The following BMS1 variants were observed in gnomAD, a reference collection of about 807,000 sequenced individuals.
BMS1 encodes the protein BMS1 ribosome biogenesis factor.
A neutral mutation model predicts 138.7 loss-of-function variants in BMS1; 53 were observed. The ratio of observed to expected loss-of-function variants is 0.38; its 90% CI spans 0.31 to 0.48. The LOEUF is 0.48. BMS1 is among the 20% of genes least tolerant of loss of function. The pLI, the probability that BMS1 is intolerant of heterozygous loss-of-function variation, is 0.97. For synonymous variants in BMS1, 504 were observed against 539.9 expected (o/e 0.93, Z 0.92); for missense variants, 1,360 against 1,565.5 (o/e 0.87, Z 2.22).
At chr10:42,806,275 A>G (rs865992188) in intron 13 of BMS1, among the ~76,000 whole-genome samples, 2 of 152,224 alleles carry the variant, frequency 1.3e-5, no homozygotes, top group South Asian at 2.1e-4. Context: ...ATCTACAGAA[A>G]GGCTGAGATA....
At position 42,796,691 on chromosome 10, in the gene BMS1, A is replaced by G. The variant is rs759432328; in HGVS notation, c.1447A>G (p.Ile483Val). Reference protein sequence around the residue: ...MTDQYMAVKGIKRRKLELEED... With the variant: ...MTDQYMAVKGVKRRKLELEED... Reference sequence around the variant, plus strand: ...TGATCAGTATATGGCTGTTAAGGGCATCAAACGACGGAAACTTGAGTTGGA... The same window carrying G: ...TGATCAGTATATGGCTGTTAAGGGCGTCAAACGACGGAAACTTGAGTTGGA... Residue 483 changes from isoleucine to valine, a missense_variant, in exon 10 of 23, where the codon ATC (isoleucine) becomes GTC (valine). This residue lies in a region of BMS1 where 697 missense variants were observed against 686.2 expected (regional missense o/e 1.02). Coordinates refer to ENST00000374518, the MANE Select transcript of BMS1 (RefSeq NM_014753.4). 7 of 1,614,104 alleles carry G rather than the reference A, an allele frequency of 4.3e-6. No homozygotes were observed. In the South Asian group the frequency reaches 5.5e-5, roughly 13 times the overall value.
intron 9 of BMS1, among the ~76,000 whole-genome samples, chr10:42,795,571 T>A (rs573343547): frequency 6.2e-4 from 95 of 152,128 alleles, no homozygotes; most frequent in Non-Finnish European, 6.3e-4. Context: ...TCCTCCTGCC[T>A]TGGCCTCCCA....
intron 12 of BMS1, among the ~76,000 whole-genome samples, chr10:42,799,824 A>C (rs1314647113): frequency 6.6e-6 from 1 of 152,140 alleles, no homozygotes; most frequent in Non-Finnish European, 1.5e-5. Flanking sequence ...TAAGCATCAT[A>C]GTTTACTTTT....
At chr10:42,783,793 T>G (rs1181811243) in intron 1 of BMS1, among the ~76,000 whole-genome samples, 1 of 152,108 alleles carries the variant, frequency 6.6e-6, no homozygotes, top group Non-Finnish European at 1.5e-5. Flanking sequence ...AATTTAGGAG[T>G]TTTACAGAGT....
intron 7 of BMS1, 25 bp from the exon 8 acceptor site, chr10:42,792,932 C>G (rs1354217328): frequency 6.3e-7 from 1 of 1,595,932 alleles, no homozygotes; most frequent in Admixed American, 1.8e-5. Flanking sequence ...TCAGCTGAAG[C>G]TGGCTTTTGG....
intron 2 of BMS1, 99 bp from the exon 3 acceptor site, chr10:42,785,383 T>G: frequency 9.7e-7 from 1 of 1,026,296 alleles, no homozygotes; most frequent in East Asian, 2.6e-5. Context: ...CTCATAGCTA[T>G]AAGTGTACCA....
At chr10:42,813,294 A>G (rs1842243595) in intron 13 of BMS1, among the ~76,000 whole-genome samples, 1 of 152,088 alleles carries the variant, frequency 6.6e-6, no homozygotes, top group Non-Finnish European at 1.5e-5. Context: ...TAAGGTGCTT[A>G]TTGTTACATA....
At position 42,833,656 on chromosome 10, in the gene BMS1, T is replaced by A. The variant is rs1842834497; in HGVS notation, c.*2560T>A. On this transcript the variant is annotated 3_prime_UTR_variant, in exon 23 of 23. Transcript: ENST00000374518. ...CCACTGCCATATACGTGGTCCATCC[T>A]TGACTGAACATCATGCGGCATGTGG... is the stretch of plus-strand genomic sequence containing the variant. The A allele has an allele frequency of 2.0e-5, 3 of 152,268 alleles. No individual in the cohort carries two copies. Among genetic ancestry groups the A allele is most frequent in the Non-Finnish European group, 2.9e-5 (2 of 68,044 alleles). The allele number at this position is 152,268 out of a possible 1,614,324, so 9.4% of individuals were successfully genotyped here.
At position 42,820,314 on chromosome 10, in the gene BMS1, C is replaced by T. The variant is rs397839854; in HGVS notation, c.2659C>T (p.Arg887Cys). The part of the protein sequence containing the change: ...YEGFRPGMYV[R>C]IEIENVPCEF... ...GGGTTTTCGACCTGGGATGTACGTC[C>T]GCATTGAGATTGAAAATGTTCCCTG... The change falls in exon 16 of 23, where the codon CGC becomes TGC. Residue 887 changes from arginine to cysteine, a missense_variant. Transcript: ENST00000374518. 7.4e-6 allele frequency: 12 copies of T among 1,613,536 alleles called. No homozygotes were observed. The African/African-American group carries it at 8.0e-5, about 11-fold the overall frequency.
chr10:42,811,502 G>A (rs1467879282), intron 13 of BMS1, among the ~76,000 whole-genome samples: 1 of 147,810 alleles, frequency 6.8e-6, no homozygotes, highest in Non-Finnish European at 1.5e-5. Context: ...CCCCACAAAT[G>A]TTCACGTGTT....
chr10:42,826,261 G>A (rs1418638450), intron 21 of BMS1, among the ~76,000 whole-genome samples: 13 of 151,968 alleles, frequency 8.6e-5, no homozygotes, highest in Admixed American at 7.2e-4. Context: ...GTGTGTGTGT[G>A]TGTGTGTGTG....
rs765808892 is a variant in BMS1 at position 42,785,466 on chromosome 10, A to G, written c.177-16A>G. ...GAGTTTACTATTTATTTATTTGTTT[A>G]TTTTTTAATGAATAGGACTCAGGAT... On this transcript the variant is annotated splice_polypyrimidine_tract_variant and intron_variant, in intron 2 of 22. Transcript: ENST00000374518. 2 of 1,569,006 alleles carry G rather than the reference A, an allele frequency of 1.3e-6. No homozygotes were observed. The highest frequency in any genetic ancestry group is 1.9e-5 in the Admixed American group (1 of 51,428).
chr10:42,800,731 G>A lies in BMS1; in HGVS notation c.2248-1406G>A, dbSNP rs563731631. Among the ~76,000 whole-genome samples the A allele has an allele frequency of 4.6e-5, 7 of 152,108 alleles. No individual in the cohort carries two copies. In the East Asian group the frequency reaches 1.4e-3, roughly 29 times the overall value. Reference sequence around the variant, plus strand: ...TTTAGTAGAGATGGGGTTTCACCACGTTGGTCAGGCTGGTCTCGAACTCCT... The same window carrying A: ...TTTAGTAGAGATGGGGTTTCACCACATTGGTCAGGCTGGTCTCGAACTCCT... On this transcript the variant is annotated intron_variant, in intron 12 of 22. Coordinates refer to ENST00000374518, the MANE Select transcript of BMS1 (RefSeq NM_014753.4).
rs377615420 is a variant in BMS1, at chr10:42,790,534, G to T, written c.636+23G>T. 8.1e-6 allele frequency: 13 copies of T among 1,610,022 alleles called. No individual in the cohort carries two copies. In the African/African-American group the frequency reaches 1.2e-4, roughly 15 times the overall value. ...CCGGTACGAAGAGAAATAATTGTTG[G>T]ATACTAACAGTATAATCCTTTTAAA... On this transcript the variant is annotated intron_variant, in intron 5 of 22. Coordinates refer to ENST00000374518, the MANE Select transcript of BMS1 (RefSeq NM_014753.4).
intron 13 of BMS1, among the ~76,000 whole-genome samples, chr10:42,804,879 G>A (rs556183776): frequency 6.6e-6 from 1 of 152,010 alleles, no homozygotes; most frequent in South Asian, 2.1e-4. Flanking sequence ...CACCACGCCT[G>A]CCTAATTTTT....
In BMS1 at chr10:42,831,215, A is replaced by C. The variant is rs1842793651; in HGVS notation, c.*119A>C. On this transcript the variant is annotated 3_prime_UTR_variant, in exon 23 of 23. Coordinates refer to ENST00000374518, the MANE Select transcript of BMS1 (RefSeq NM_014753.4). ...AAGAGCTCAAGAGATGTCTCTACTCAAACTGTGCCTGCAGGAGGAGGAACA... is the reference window on the plus strand; with the variant it reads ...AAGAGCTCAAGAGATGTCTCTACTCCAACTGTGCCTGCAGGAGGAGGAACA... 6.5e-6 allele frequency: 7 copies of C among 1,077,040 alleles called. No homozygotes were observed. Among genetic ancestry groups the C allele is most frequent in the Non-Finnish European group, 6.6e-6 (5 of 758,036 alleles). 66.7% of individuals were successfully genotyped at this position (1,077,040 alleles called of 1,614,324 possible).
chr10:42,820,594 G>A lies in BMS1; in HGVS notation c.2856G>A (p.Gln952=), dbSNP rs1181329908. ...IIFSVGWRRF[Q]TIPLYYIEDH... is the part of the protein sequence containing the mutation. ...TTTCTGTAGGGTGGAGGAGGTTTCAGACCATCCCACTGTATTATATCGAAG... is the reference window on the plus strand; with the variant it reads ...TTTCTGTAGGGTGGAGGAGGTTTCAAACCATCCCACTGTATTATATCGAAG... Residue 952 remains glutamine (Q), a synonymous_variant, in exon 17 of 23, where the codon CAG becomes CAA. Coordinates refer to ENST00000374518, the MANE Select transcript of BMS1 (RefSeq NM_014753.4). The A allele has an allele frequency of 5.0e-6, 8 of 1,611,834 alleles. No homozygotes were observed. Among genetic ancestry groups the A allele is most frequent in the Non-Finnish European group, 6.8e-6 (8 of 1,179,762 alleles).
rs76568689 is a variant in BMS1 at position 42,791,410 on chromosome 10, C to G, written c.637-217C>G. 9.7e-3 allele frequency among the ~76,000 whole-genome samples: 1,477 copies of G among 152,242 alleles called. 52 individuals carry two copies. The East Asian group carries it at 0.11, about 11-fold the overall frequency. ...GCCTCACCTCCCTCTCCTCACCATA[C>G]TTAGATGGATGCCCCGGCTCGGCTG... On this transcript the variant is annotated intron_variant, in intron 5 of 22. Coordinates refer to ENST00000374518, the MANE Select transcript of BMS1 (RefSeq NM_014753.4).
chr10:42,793,906 A>G lies in BMS1; in HGVS notation c.1144A>G (p.Thr382Ala), dbSNP rs1385906611. The G allele has an allele frequency of 9.3e-6, 15 of 1,611,784 alleles. No homozygotes were observed. The highest frequency in any genetic ancestry group is 1.3e-5 in the African/African-American group (1 of 74,836). Residue 382 changes from threonine (T) to alanine (A), a missense_variant, in exon 9 of 23, where the codon ACC (threonine) becomes GCC (alanine). By Grantham distance (58) the Thr-to-Ala change is moderately conservative. Around this residue, in one of 3 missense-constraint regions of BMS1, gnomAD observed 697 missense variants for 686.2 expected, o/e 1.02. Coordinates refer to ENST00000374518, the MANE Select transcript of BMS1 (RefSeq NM_014753.4). ...LVQSLISTHS[T>A]IDAKMASSRV... ...CCAGAGTCTCATCTCTACCCACTCCACCATTGATGCCAAGATGGCTTCAAG... is the reference window on the plus strand; with the variant it reads ...CCAGAGTCTCATCTCTACCCACTCCGCCATTGATGCCAAGATGGCTTCAAG...
Sources: allele counts gnomAD v4.1 joint callset (sites outside exome capture counted in the v4.1 genomes callset), GRCh38; gene constraint gnomAD v4.1.1; regional missense constraint gnomAD v4.1.1; transcripts MANE v1.5; gene names NCBI Gene and HGNC (gene_info 2026-07-23, HGNC 2026-07-21).